ASAP2: variants seen among roughly 807,000 people sequenced by gnomAD.
ASAP2 encodes arf-GAP with SH3 domain, ANK repeat and PH domain-containing protein 2.
Under a neutral mutation model 131.4 loss-of-function variants are expected in ASAP2, and 45 were observed. That is an observed-to-expected ratio of 0.34 (90% confidence interval 0.27 to 0.44). The LOEUF (loss-of-function observed/expected upper bound fraction) is 0.44. Ranked by LOEUF, ASAP2 falls within the 20% of genes least tolerant of loss-of-function variation. ASAP2 has a pLI of 1.00. For synonymous variants in ASAP2, 510 were observed against 503.0 expected (o/e 1.01, Z -0.19); for missense variants, 1,011 against 1,297.0 (o/e 0.78, Z 3.39).
chr2:9,325,972 T>C (rs1250641496), intron 6 of ASAP2, among the ~76,000 whole-genome samples: 1 of 152,234 alleles, frequency 6.6e-6, no homozygotes, highest in Non-Finnish European at 1.5e-5. Context: ...AGTGTAGAAG[T>C]TGGCCAGATA....
chr2:9,312,328 C>A (rs1209074483), intron 3 of ASAP2, among the ~76,000 whole-genome samples: 1 of 152,104 alleles, frequency 6.6e-6, no homozygotes, highest in South Asian at 2.1e-4. Flanking sequence ...AAACCAGAAT[C>A]CCCCTCATTG....
chr2:9,248,185 A>C (rs1664465746), intron 1 of ASAP2, among the ~76,000 whole-genome samples: 1 of 152,246 alleles, frequency 6.6e-6, no homozygotes, highest in South Asian at 2.1e-4. Context: ...GGTGGCCAGC[A>C]GTTCTGCATC....
intron 21 of ASAP2, among the ~76,000 whole-genome samples, chr2:9,385,841 C>T (rs752865024): frequency 3.9e-5 from 6 of 152,226 alleles, no homozygotes; most frequent in Non-Finnish European, 8.8e-5. Flanking sequence ...GTTGACTTGG[C>T]CAAAGTGAAG....
intron 9 of ASAP2, among the ~76,000 whole-genome samples, chr2:9,336,640 A>G (rs1027910146): frequency 5.3e-5 from 8 of 152,234 alleles, no homozygotes; most frequent in Non-Finnish European, 1.0e-4. Flanking sequence ...GAGCAAGGTT[A>G]TATTTAGTGC....
At chr2:9,314,820 A>G (rs916078594) in intron 3 of ASAP2, among the ~76,000 whole-genome samples, 1 of 151,234 alleles carries the variant, frequency 6.6e-6, no homozygotes, top group Non-Finnish European at 1.5e-5. Flanking sequence ...AATCCCAGCA[A>G]CTCGGGAGGC....
At chr2:9,286,230 C>T (rs1389732443) in intron 2 of ASAP2, among the ~76,000 whole-genome samples, 1 of 151,880 alleles carries the variant, frequency 6.6e-6, no homozygotes, top group East Asian at 1.9e-4. Context: ...AACCCTGCCT[C>T]TACAAAAAAA....
intron 2 of ASAP2, among the ~76,000 whole-genome samples, chr2:9,292,410 C>T (rs1004568416): frequency 4.6e-5 from 7 of 152,122 alleles, no homozygotes; most frequent in South Asian, 2.1e-4. Context: ...CTCAGCTACT[C>T]GGGAGGCTGA....
At chr2:9,399,771 C>T (rs1676469254) in intron 24 of ASAP2, 1 of 539,396 alleles carries the variant, frequency 1.9e-6, no homozygotes, top group Non-Finnish European at 3.3e-6. Context: ...CCCTGGCCAT[C>T]GGTGGCAGGC....
In ASAP2 at chr2:9,308,424, C is replaced by T. The variant is rs543005593; in HGVS notation, c.346-10100C>T. Among the ~76,000 whole-genome samples, 15 of 152,368 alleles carry T rather than the reference C, an allele frequency of 9.8e-5. No homozygotes were observed. The South Asian group carries it at 1.9e-3, about 19-fold the overall frequency. On this transcript the variant is annotated intron_variant, in intron 3 of 27. Coordinates refer to ENST00000281419, the MANE Select transcript of ASAP2 (RefSeq NM_003887.3). ...GATTGAGTCATCTCCCACCAGGCCC[C>T]AGCTCCAACACTGGGGACTGCAATT...
At position 9,393,542 on chromosome 2, in the gene ASAP2, T is replaced by C. The variant is rs1487553544; in HGVS notation, c.2579T>C (p.Leu860Ser). The C allele has an allele frequency of 1.3e-6, 2 of 1,597,866 alleles. No individual in the cohort carries two copies. The highest frequency in any genetic ancestry group is 1.7e-6 in the Non-Finnish European group (2 of 1,173,640). The part of the protein sequence containing the change: ...VAKTPSVMEA[L>S]SQPSKPAPPG... ...AAGACGCCCAGCGTAATGGAAGCCT[T>C]GAGCCAGCCGAGCAAGCCTGCCCCG... Residue 860 changes from leucine (L) to serine (S), a missense_variant, in exon 24 of 28, where the codon TTG (leucine) becomes TCG (serine). Physicochemically the swap from Leu to Ser is moderately radical, Grantham distance 145. This residue lies in a region of ASAP2 where 652 missense variants were observed against 698.9 expected (regional missense o/e 0.93). Coordinates refer to ENST00000281419, the MANE Select transcript of ASAP2 (RefSeq NM_003887.3).
intron 1 of ASAP2, among the ~76,000 whole-genome samples, chr2:9,275,082 GT>G (rs753527243): frequency 1.3e-3 from 173 of 128,774 alleles, no homozygotes; most frequent in East Asian, 2.8e-3. Flanking sequence ...TCATTTGTCT[GT>G]TTTTTTTTTT....
Position 9,232,643 on chromosome 2 carries a change from G to A in ASAP2, c.126+25413G>A, listed in dbSNP as rs1441588885. On this transcript the variant is annotated intron_variant, in intron 1 of 27. Transcript: ENST00000281419. The surrounding 1 kb of genome is among the most constrained non-coding windows in gnomAD (Gnocchi z 4.1). ...ACTCTTACTTAGTGATGCATCCTCA[G>A]CACCCAGAATTGCACTGGACACATC... Among the ~76,000 whole-genome samples the A allele has an allele frequency of 6.6e-6, 1 of 152,160 alleles. No individual in the cohort carries two copies. The highest frequency in any genetic ancestry group is 1.5e-5 in the Non-Finnish European group (1 of 68,030).
rs932272458 is a variant in ASAP2, at chr2:9,207,440, C to G, written c.126+210C>G. On this transcript the variant is annotated intron_variant, in intron 1 of 27. Coordinates refer to ENST00000281419, the MANE Select transcript of ASAP2 (RefSeq NM_003887.3). This position sits in a 1 kb window ranked among gnomAD's most constrained non-coding sequence, Gnocchi z 4.1. Reference sequence around the variant, plus strand: ...CACCTTGGGCCTCTTTAAGACCTCCCCTCTCTCGGCCTCGTGGCCCTCGCG... The same window carrying G: ...CACCTTGGGCCTCTTTAAGACCTCCGCTCTCTCGGCCTCGTGGCCCTCGCG... Among the ~76,000 whole-genome samples the G allele has an allele frequency of 2.0e-5, 3 of 152,168 alleles. No individual in the cohort carries two copies. Among genetic ancestry groups the G allele is most frequent in the Non-Finnish European group, 4.4e-5 (3 of 68,016 alleles).
At chr2:9,228,317 A>G (rs1662921598) in intron 1 of ASAP2, among the ~76,000 whole-genome samples, 1 of 152,192 alleles carries the variant, frequency 6.6e-6, no homozygotes, top group Non-Finnish European at 1.5e-5. Flanking sequence ...TCCAGTTACA[A>G]TGCATATTTC....
At chr2:9,272,591 G>T (rs779444259) in intron 1 of ASAP2, among the ~76,000 whole-genome samples, 6 of 152,076 alleles carry the variant, frequency 3.9e-5, no homozygotes, top group Non-Finnish European at 8.8e-5. Flanking sequence ...TTTTTGCTTT[G>T]GTTGCCTGTG....
chr2:9,338,367 C>T (rs1671360442), intron 9 of ASAP2, among the ~76,000 whole-genome samples: 2 of 152,064 alleles, frequency 1.3e-5, no homozygotes, highest in Admixed American at 6.6e-5. Flanking sequence ...CTCTCTCTTT[C>T]TCTTGCTCCC....
intron 1 of ASAP2, among the ~76,000 whole-genome samples, chr2:9,240,318 A>G (rs1209393304): frequency 6.9e-6 from 1 of 145,706 alleles, no homozygotes; most frequent in African/African-American, 2.6e-5. Flanking sequence ...CAGTGGCGCC[A>G]TCACGGCTCA....
At chr2:9,402,502 A>G (rs1676819814) in intron 27 of ASAP2, among the ~76,000 whole-genome samples, 1 of 152,142 alleles carries the variant, frequency 6.6e-6, no homozygotes, top group South Asian at 2.1e-4. Context: ...GGCACCTGTA[A>G]TCCCAGCTAC....
intron 1 of ASAP2, among the ~76,000 whole-genome samples, chr2:9,221,166 G>A (rs758589620): frequency 6.6e-6 from 1 of 151,804 alleles, no homozygotes; most frequent in Non-Finnish European, 1.5e-5. Flanking sequence ...ATGAATTTTA[G>A]GATCAACTTT....
Sources: allele counts gnomAD v4.1 joint callset (sites outside exome capture counted in the v4.1 genomes callset), GRCh38; gene constraint gnomAD v4.1.1; regional missense constraint gnomAD v4.1.1; non-coding constraint Gnocchi (gnomAD v3.1); transcripts MANE v1.5; gene names NCBI Gene and HGNC (gene_info 2026-07-23, HGNC 2026-07-21).